The following DNAH11 variants were observed in gnomAD, a reference collection of about 807,000 sequenced individuals.
DNAH11 encodes the protein axonemal beta dynein heavy chain 11.
In DNAH11, 442 loss-of-function variants were observed where a neutral mutation model predicts 526.0. The ratio of observed to expected loss-of-function variants is 0.84; its 90% CI spans 0.78 to 0.91. The LOEUF is 0.91. DNAH11 is among the 40% of genes least tolerant of loss of function. The pLI is 0.00. For missense variants in DNAH11, 6,989 were observed against 5,448.7 expected (o/e 1.28, Z -8.90); for synonymous variants, 2,461 against 1,935.9 (o/e 1.27, Z -7.12).
At chr7:21,621,199 T>A (rs1465102107) in intron 25 of DNAH11, among the ~76,000 whole-genome samples, 1 of 152,036 alleles carries the variant, frequency 6.6e-6, no homozygotes, top group Non-Finnish European at 1.5e-5. Flanking sequence ...AACACCTCTA[T>A]GCAAATAAAC....
intron 63 of DNAH11, 25 bp from the exon 64 acceptor site, chr7:21,816,442 G>T (rs780221482): frequency 6.4e-7 from 1 of 1,553,900 alleles, no homozygotes; most frequent in African/African-American, 1.4e-5. Flanking sequence ...TGACCAATTT[G>T]TTGCATTCAA....
At position 21,589,506 on chromosome 7, in the gene DNAH11, G is replaced by A. The variant is rs1003898572; in HGVS notation, c.2169+103G>A. ...GTAATTTACATTTGGGAAAATGTCA[G>A]AGTTGTGAGGACTGTAACTGTAAAC... On this transcript the variant is annotated intron_variant, in intron 12 of 81. Coordinates refer to ENST00000409508, the MANE Select transcript of DNAH11 (RefSeq NM_001277115.2). The A allele has an allele frequency of 7.2e-6, 7 of 976,350 alleles. No individual in the cohort carries two copies. The Admixed American group carries it at 1.4e-4, about 20-fold the overall frequency. The allele number at this position is 976,350 out of a possible 1,614,324, so 60.5% of individuals were successfully genotyped here. A position where few individuals can be genotyped will look rare whatever the true frequency, so the allele number is the denominator to read the frequency against.
At chr7:21,667,455 A>G (rs1449105328) in intron 30 of DNAH11, among the ~76,000 whole-genome samples, 1 of 152,184 alleles carries the variant, frequency 6.6e-6, no homozygotes, top group African/African-American at 2.4e-5. Context: ...TTGTAATAAA[A>G]TGGTGTTTAT....
intron 66 of DNAH11, among the ~76,000 whole-genome samples, chr7:21,849,540 A>T (rs139274765): frequency 3.1e-4 from 47 of 152,340 alleles, no homozygotes; most frequent in Middle Eastern, 3.4e-3. Flanking sequence ...TTGGTCTAAG[A>T]AAGCTTTTAT....
At position 21,559,766 on chromosome 7, in the gene DNAH11, G is replaced by GA. The variant is rs781372148; in HGVS notation, c.860dup (p.Asn287LysfsTer7). ...ACTAGATTTCTGGATGATGAGGAGA[G>GA]AAAATCTGTCATGCATTTATGATCA... On this transcript the variant is annotated frameshift_variant, in exon 4 of 82. Coordinates refer to ENST00000409508, the MANE Select transcript of DNAH11 (RefSeq NM_001277115.2). LOFTEE classifies it high-confidence loss of function. 7 of 1,603,892 alleles carry GA rather than the reference G, an allele frequency of 4.4e-6. No individual in the cohort carries two copies. The highest frequency in any genetic ancestry group is 5.1e-6 in the Non-Finnish European group (6 of 1,174,588).
chr7:21,884,099 A>T (rs1388468051), intron 75 of DNAH11, among the ~76,000 whole-genome samples, 192 bp from the exon 76 acceptor site: 3 of 152,182 alleles, frequency 2.0e-5, no homozygotes, highest in Non-Finnish European at 4.4e-5. Context: ...CACTGACTAT[A>T]TTAGAAGACA....
At chr7:21,729,088 C>T (rs1180468337) in intron 45 of DNAH11, among the ~76,000 whole-genome samples, 3 of 152,218 alleles carry the variant, frequency 2.0e-5, no homozygotes, top group African/African-American at 4.8e-5. Context: ...CTGTACCTTT[C>T]GGGCCGGCCA....
At chr7:21,604,611 T>G (rs1785213214) in intron 18 of DNAH11, among the ~76,000 whole-genome samples, 1 of 152,160 alleles carries the variant, frequency 6.6e-6, no homozygotes, top group South Asian at 2.1e-4. Flanking sequence ...CAGTGTCACC[T>G]CCTCCTTGAG....
At chr7:21,714,994 A>G (rs752990450) in intron 42 of DNAH11, among the ~76,000 whole-genome samples, 2 of 152,220 alleles carry the variant, frequency 1.3e-5, no homozygotes, top group East Asian at 3.8e-4. Flanking sequence ...ACCTGTATCA[A>G]ATGACCTTAT....
intron 25 of DNAH11, among the ~76,000 whole-genome samples, chr7:21,622,145 A>G (rs1260020219): frequency 1.3e-5 from 2 of 152,224 alleles, no homozygotes; most frequent in Non-Finnish European, 2.9e-5. Flanking sequence ...ATCAACGTAC[A>G]AAAATCACAA....
chr7:21,835,730 T>C (rs1781968119), intron 65 of DNAH11, among the ~76,000 whole-genome samples: 2 of 152,114 alleles, frequency 1.3e-5, no homozygotes, highest in Admixed American at 6.6e-5. Flanking sequence ...CCACCACTTC[T>C]ATTCAGCACA....
chr7:21,828,764 T>TG (rs1413169991), intron 65 of DNAH11, among the ~76,000 whole-genome samples: 34 of 151,400 alleles, frequency 2.2e-4, no homozygotes, highest in African/African-American at 7.7e-4. Flanking sequence ...TTCTGGGTTT[T>TG]TTTTTTTTTT....
chr7:21,789,712 T>C (rs1235810430), intron 61 of DNAH11, among the ~76,000 whole-genome samples: 1 of 152,172 alleles, frequency 6.6e-6, no homozygotes, highest in Admixed American at 6.5e-5. Flanking sequence ...TCTATGAGCC[T>C]CTGTTTTCTC....
intron 45 of DNAH11, among the ~76,000 whole-genome samples, chr7:21,730,513 G>C (rs1785332370): frequency 6.6e-6 from 1 of 152,210 alleles, no homozygotes; most frequent in South Asian, 2.1e-4. Context: ...GTACCTTTCA[G>C]CCTTTAACAA....
chr7:21,898,356 G>A (rs1037569573), intron 79 of DNAH11, among the ~76,000 whole-genome samples: 2 of 152,184 alleles, frequency 1.3e-5, no homozygotes, highest in South Asian at 2.1e-4. Context: ...AAGTTTGACC[G>A]TGAGCATTCT....
intron 54 of DNAH11, among the ~76,000 whole-genome samples, chr7:21,755,833 A>G (rs1786608195): frequency 1.3e-5 from 2 of 152,138 alleles, no homozygotes; most frequent in Non-Finnish European, 2.9e-5. Context: ...TTTAATTGAA[A>G]TATACTTTAT....
chr7:21,665,812 A>G (rs1243617654), intron 30 of DNAH11, among the ~76,000 whole-genome samples: 1 of 152,066 alleles, frequency 6.6e-6, no homozygotes, highest in East Asian at 1.9e-4. Context: ...CTTTTACTAC[A>G]GTGTTTCAGT....
At chr7:21,713,769 A>G (rs190553660) in intron 42 of DNAH11, among the ~76,000 whole-genome samples, 3 of 152,162 alleles carry the variant, frequency 2.0e-5, no homozygotes, top group Admixed American at 2.0e-4. Flanking sequence ...TTACCTCTAC[A>G]GTGTAGTAGA....
chr7:21,788,447 A>G (rs1254764506), intron 60 of DNAH11, among the ~76,000 whole-genome samples: 2 of 152,040 alleles, frequency 1.3e-5, no homozygotes, highest in Non-Finnish European at 2.9e-5. Flanking sequence ...TCTGCATAAT[A>G]AAATGTCTCA....
Sources: allele counts gnomAD v4.1 joint callset (sites outside exome capture counted in the v4.1 genomes callset), GRCh38; gene constraint gnomAD v4.1.1; transcripts MANE v1.5; gene names NCBI Gene and HGNC (gene_info 2026-07-23, HGNC 2026-07-21).